The following UVRAG variants were observed in gnomAD, a reference collection of about 807,000 sequenced individuals.
UVRAG encodes the protein UV radiation resistance associated.
In UVRAG, 19 loss-of-function variants were observed where a neutral mutation model predicts 78.0. That is an observed-to-expected ratio of 0.24 (90% CI 0.17 to 0.36). The LOEUF is 0.36. Ranked by LOEUF, UVRAG falls within the 10% of genes least tolerant of loss-of-function variation. The pLI is 1.00. For missense variants in UVRAG, 740 were observed against 853.8 expected (o/e 0.87, Z 1.66); for synonymous variants, 323 against 324.6 (o/e 1.00, Z 0.05).
chr11:76,079,262 TC>T (rs1484845814), intron 13 of UVRAG, among the ~76,000 whole-genome samples: 2 of 152,092 alleles, frequency 1.3e-5, no homozygotes, highest in Non-Finnish European at 1.5e-5. Context: ...GGCAGGAGGA[TC>T]ACTTGAGCTC....
intron 12 of UVRAG, among the ~76,000 whole-genome samples, chr11:76,052,813 G>A (rs1950895007): frequency 1.3e-5 from 2 of 151,592 alleles, no homozygotes; most frequent in African/African-American, 2.4e-5. Context: ...ATTTCTTTAG[G>A]CCATCTCATT....
intron 12 of UVRAG, among the ~76,000 whole-genome samples, chr11:76,032,844 A>G (rs569410271): frequency 8.5e-5 from 13 of 152,232 alleles, no homozygotes; most frequent in Non-Finnish European, 1.9e-4. Context: ...ACCTTGCCTC[A>G]TAAGTGAATT....
At position 75,977,492 on chromosome 11, in the gene UVRAG, T is replaced by C. The variant is rs1345691454; in HGVS notation, c.700-5895T>C. 3.3e-5 allele frequency among the ~76,000 whole-genome samples: 5 copies of C among 152,192 alleles called. No individual in the cohort carries two copies. In the East Asian group the frequency reaches 9.6e-4, roughly 29 times the overall value. ...GGGGTGTTAAAGTCTCCCATTATTA[T>C]TGTGTGGGACTCTAAGTCTCTTTGT... On this transcript the variant is annotated intron_variant, in intron 7 of 14. Coordinates refer to ENST00000356136, the MANE Select transcript of UVRAG (RefSeq NM_003369.4).
chr11:76,078,860 C>T (rs1168198713), intron 13 of UVRAG, among the ~76,000 whole-genome samples: 5 of 151,298 alleles, frequency 3.3e-5, no homozygotes, highest in African/African-American at 9.7e-5. Flanking sequence ...ACCCAGGAGG[C>T]GGAGCTGGCA....
intron 6 of UVRAG, among the ~76,000 whole-genome samples, chr11:75,940,802 A>G (rs1948469541): frequency 6.6e-6 from 1 of 152,196 alleles, no homozygotes; most frequent in South Asian, 2.1e-4. Context: ...ACTTTTGGTT[A>G]ATGGTTAATA....
intron 12 of UVRAG, among the ~76,000 whole-genome samples, chr11:76,044,149 A>T (rs1289840665): frequency 6.6e-6 from 1 of 152,144 alleles, no homozygotes; most frequent in Non-Finnish European, 1.5e-5. Context: ...TGTAGCCAAC[A>T]GGAAGTGGGC....
At chr11:75,927,134 A>G (rs922747320) in intron 6 of UVRAG, among the ~76,000 whole-genome samples, 8 of 151,298 alleles carry the variant, frequency 5.3e-5, no homozygotes, top group African/African-American at 1.5e-4. Context: ...CAGTGGCGCA[A>G]TCTCGGGTCA....
At chr11:76,031,212 C>T (rs1452757389) in intron 12 of UVRAG, among the ~76,000 whole-genome samples, 1 of 152,070 alleles carries the variant, frequency 6.6e-6, no homozygotes, top group Admixed American at 6.6e-5. Flanking sequence ...TGTTGTAATC[C>T]AAGGCACAGG....
intron 6 of UVRAG, among the ~76,000 whole-genome samples, chr11:75,949,886 G>T (rs1252100088): frequency 6.6e-6 from 1 of 151,862 alleles, no homozygotes; most frequent in Non-Finnish European, 1.5e-5. Flanking sequence ...TATCCAGAAT[G>T]TTCCCTCATT....
chr11:76,069,679 A>G (rs1951264120), intron 13 of UVRAG, among the ~76,000 whole-genome samples: 1 of 152,222 alleles, frequency 6.6e-6, no homozygotes. Context: ...CATGATCCCT[A>G]TCATCACCCT....
At chr11:76,135,961 A>C (rs1003315306) in intron 14 of UVRAG, among the ~76,000 whole-genome samples, 1 of 152,252 alleles carries the variant, frequency 6.6e-6, no homozygotes. Context: ...TAAATAATGT[A>C]CTAATTGCAT....
rs182241699 is a variant in UVRAG at position 76,011,872 on chromosome 11, G to A, written c.1060+3005G>A. On this transcript the variant is annotated intron_variant, in intron 11 of 14. Transcript: ENST00000356136. ...TCAGGCACTTAGAAGTTTATAGCAG[G>A]TACATGGTACTCAAAAAAGTGAGAA... Among the ~76,000 whole-genome samples the A allele has an allele frequency of 4.6e-5, 7 of 152,234 alleles. No individual in the cohort carries two copies. The East Asian group carries it at 1.2e-3, about 25-fold the overall frequency.
At chr11:75,860,844 T>C (rs1185544411) in intron 2 of UVRAG, among the ~76,000 whole-genome samples, 1 of 151,892 alleles carries the variant, frequency 6.6e-6, no homozygotes, top group Non-Finnish European at 1.5e-5. Context: ...TGGAGTGCAG[T>C]AGTGCAATTC....
chr11:75,826,200 G>A (rs1384182556), intron 1 of UVRAG, among the ~76,000 whole-genome samples: 2 of 151,554 alleles, frequency 1.3e-5, no homozygotes, highest in Non-Finnish European at 2.9e-5. Context: ...TCTGTCGCTA[G>A]GCTGGAGTGC....
At chr11:75,915,000 T>C (rs1947819522) in intron 6 of UVRAG, 1 of 151,996 alleles carries the variant, frequency 6.6e-6, no homozygotes, top group Admixed American at 6.6e-5. Flanking sequence ...TCCCAGCACT[T>C]TGAGAGGCCA....
At chr11:76,029,493 A>G (rs1950394948) in intron 12 of UVRAG, among the ~76,000 whole-genome samples, 1 of 152,184 alleles carries the variant, frequency 6.6e-6, no homozygotes, top group African/African-American at 2.4e-5. Flanking sequence ...TTCATGATTC[A>G]TGGGAGGAGA....
intron 6 of UVRAG, among the ~76,000 whole-genome samples, chr11:75,916,973 A>G (rs1464738791): frequency 6.6e-6 from 1 of 152,218 alleles, no homozygotes; most frequent in African/African-American, 2.4e-5. Context: ...TAGTGATGTT[A>G]TCTATAGGAG....
At chr11:76,031,447 G>A (rs1343822810) in intron 12 of UVRAG, among the ~76,000 whole-genome samples, 1 of 152,206 alleles carries the variant, frequency 6.6e-6, no homozygotes, top group East Asian at 1.9e-4. Context: ...TTTCATCACT[G>A]ACACTTGGAG....
chr11:76,093,273 G>C (rs1951735511), intron 13 of UVRAG, among the ~76,000 whole-genome samples: 1 of 152,196 alleles, frequency 6.6e-6, no homozygotes, highest in South Asian at 2.1e-4. Flanking sequence ...TTGTAGTGTA[G>C]TTTGGAGTCA....
Sources: allele counts gnomAD v4.1 joint callset (sites outside exome capture counted in the v4.1 genomes callset), GRCh38; gene constraint gnomAD v4.1.1; transcripts MANE v1.5; gene names NCBI Gene and HGNC (gene_info 2026-07-23, HGNC 2026-07-21).